Variants in CD2AP observed in about 807,000 individuals in gnomAD.
The protein encoded by CD2AP is CD2 associated protein.
A neutral mutation model predicts 85.1 loss-of-function variants in CD2AP; 46 were observed. That is an observed-to-expected ratio of 0.54 (90% CI 0.43 to 0.69). The LOEUF is 0.69. Ranked by LOEUF, CD2AP falls within the 30% of genes least tolerant of loss-of-function variation. The probability of loss-of-function intolerance (pLI) is 0.00; values close to 1 mark genes in which losing one functional copy is unlikely to be tolerated. For synonymous variants in CD2AP, 255 were observed against 252.9 expected, an observed-to-expected ratio of 1.01 and a Z score of -0.08; for missense variants, 769 against 729.5, an observed-to-expected ratio of 1.05 and a Z score of -0.62.
At chr6:47,604,287 C>T (rs1242043422) in intron 13 of CD2AP, among the ~76,000 whole-genome samples, 2 of 151,888 alleles carry the variant, frequency 1.3e-5, no homozygotes, top group South Asian at 2.1e-4. Flanking sequence ...CCAAAATGTG[C>T]ACTGTTCCAT....
rs575284881 is a variant in CD2AP, at chr6:47,588,711, A to G, written c.1108+6646A>G. Among the ~76,000 whole-genome samples the G allele has an allele frequency of 7.9e-5, 12 of 152,232 alleles. 1 individual carries two copies. The East Asian group carries it at 2.3e-3, about 29-fold the overall frequency. ...TTATGGACCTGAATTATATCTTTCC[A>G]TTCTGCCATCCTCAGTGTACACTTT... On this transcript the variant is annotated intron_variant, in intron 11 of 17. Transcript: ENST00000359314.
In CD2AP at chr6:47,503,350, C is replaced by G; in HGVS notation, c.75C>G (p.Ile25Met). ...AATTAACTATTCGAGTTGGAGAAATCATCAGGAATGTGAAAAAGCTACAGG... is the reference window on the plus strand; with the variant it reads ...AATTAACTATTCGAGTTGGAGAAATGATCAGGAATGTGAAAAAGCTACAGG... The part of the protein sequence containing the change: ...DDELTIRVGE[I>M]IRNVKKLQEE... Residue 25 changes from isoleucine to methionine, a missense_variant, in exon 2 of 18, where the codon ATC becomes ATG. By Grantham distance (10) the Ile-to-Met change is conservative. Coordinates refer to ENST00000359314, the MANE Select transcript of CD2AP (RefSeq NM_012120.3). 2 of 1,613,466 alleles carry G rather than the reference C, an allele frequency of 1.2e-6. No homozygotes were observed.
rs1346858710 is a variant in CD2AP at position 47,574,246 on chromosome 6, G to T, written c.724G>T (p.Glu242Ter). The change falls in exon 6 of 18, where the codon GAA (glutamate) becomes TAA (stop). Residue 242 changes from glutamate to a stop codon, truncating the protein, a stop_gained. Coordinates refer to ENST00000359314, the MANE Select transcript of CD2AP (RefSeq NM_012120.3). LOFTEE classifies it high-confidence loss of function. The part of the protein sequence containing the change: ...SSSETEEKKP[E>*]KPLILQSLGP... Reference sequence around the variant, plus strand: ...TAGTGAAACAGAAGAGAAAAAACCAGAAAAGGTGGTAATGATGGACTTGTT... The same window carrying T: ...TAGTGAAACAGAAGAGAAAAAACCATAAAAGGTGGTAATGATGGACTTGTT... 1 of 1,613,582 alleles carries T rather than the reference G, an allele frequency of 6.2e-7. No individual in the cohort carries two copies. Among genetic ancestry groups the T allele is most frequent in the Non-Finnish European group, 8.5e-7 (1 of 1,179,624 alleles).
chr6:47,501,598 T>C (rs1320883967), intron 1 of CD2AP, among the ~76,000 whole-genome samples: 1 of 151,838 alleles, frequency 6.6e-6, no homozygotes. Context: ...CAAACAACAG[T>C]GTCTGGTCAT....
Position 47,606,250 on chromosome 6 carries a change from G to A in CD2AP, c.1503G>A (p.Leu501=), listed in dbSNP as rs780895089. The A allele has an allele frequency of 6.8e-6, 11 of 1,608,082 alleles. No individual in the cohort carries two copies. Among genetic ancestry groups the A allele is most frequent in the Non-Finnish European group, 9.4e-6 (11 of 1,174,908 alleles). Residue 501 remains leucine, a synonymous_variant, in exon 14 of 18, where the codon TTG becomes TTA. Transcript: ENST00000359314. ...GACCAAAGATGCCTGGAAGAAGGTTGCCGGGCCGTTTCAATGGTGGACATT... is the reference window on the plus strand; with the variant it reads ...GACCAAAGATGCCTGGAAGAAGGTTACCGGGCCGTTTCAATGGTGGACATT... ...ANRPKMPGRR[L]PGRFNGGHSP... is the part of the protein sequence containing the mutation.
chr6:47,566,301 A>AATATATATATATAT (rs71831752), intron 5 of CD2AP, among the ~76,000 whole-genome samples: 34 of 110,198 alleles, frequency 3.1e-4, no homozygotes, highest in African/African-American at 8.5e-4. Context: ...TGCTCATTAG[A>AATATATATATATAT]ATATATATAT....
rs1769889062 is a variant in CD2AP, at chr6:47,625,648, C to A, written c.*1421C>A. 1 of 151,522 alleles carries A rather than the reference C, an allele frequency of 6.6e-6. No individual in the cohort carries two copies. Among genetic ancestry groups the A allele is most frequent in the African/African-American group, 2.4e-5 (1 of 41,282 alleles). The allele number at this position is 151,522 out of a possible 1,614,324, so 9.4% of individuals were successfully genotyped here. A position where few individuals can be genotyped will look rare whatever the true frequency, so the allele number is the denominator to read the frequency against. ...TTTTGAGTACCAATGATCATGCTTC[C>A]ATTTTTTTTAGTTTTAAACCACCAA... On this transcript the variant is annotated 3_prime_UTR_variant, in exon 18 of 18. Transcript: ENST00000359314.
chr6:47,513,203 C>CA (rs1371772659), intron 2 of CD2AP, among the ~76,000 whole-genome samples: 1 of 149,458 alleles, frequency 6.7e-6, no homozygotes, highest in Non-Finnish European at 1.5e-5. Flanking sequence ...GTATCTTCCT[C>CA]AAAGTTTACA....
chr6:47,478,103 G>A lies in CD2AP; in HGVS notation c.-142G>A, dbSNP rs771046571. 1.8e-6 allele frequency: 2 copies of A among 1,091,792 alleles called. No individual in the cohort carries two copies. Among genetic ancestry groups the A allele is most frequent in the Non-Finnish European group, 2.7e-6 (2 of 738,514 alleles). The allele number at this position is 1,091,792 out of a possible 1,614,324, so 67.6% of individuals were successfully genotyped here. On this transcript the variant is annotated 5_prime_UTR_variant, in exon 1 of 18. Coordinates refer to ENST00000359314, the MANE Select transcript of CD2AP (RefSeq NM_012120.3). ...GAGAGCGCCGCGGGCGGATGGAGGC[G>A]ACTCTTCGCCCCGCCTGAGCTCAGG...
Position 47,477,843 on chromosome 6 carries a change from C to T in CD2AP, c.-402C>T, listed in dbSNP as rs9369696. On this transcript the variant is annotated 5_prime_UTR_variant, in exon 1 of 18. Transcript: ENST00000359314. Reference sequence around the variant, plus strand: ...GTGTCGCCTTTTCTAACTGCGAGTGCTAAGGAAGAGGCGAGGGGCGGGCTC... The same window carrying T: ...GTGTCGCCTTTTCTAACTGCGAGTGTTAAGGAAGAGGCGAGGGGCGGGCTC... 4 of 285,070 alleles carry T rather than the reference C, an allele frequency of 1.4e-5. No homozygotes were observed. Among genetic ancestry groups the T allele is most frequent in the African/African-American group, 2.3e-5 (1 of 43,782 alleles). The allele number at this position is 285,070 out of a possible 1,614,324, so 17.7% of individuals were successfully genotyped here.
intron 1 of CD2AP, among the ~76,000 whole-genome samples, chr6:47,489,367 G>T (rs1388941331): frequency 6.6e-6 from 1 of 151,736 alleles, no homozygotes; most frequent in African/African-American, 2.4e-5. Context: ...GTAGAGATGG[G>T]GTTTCACCAT....
intron 5 of CD2AP, among the ~76,000 whole-genome samples, chr6:47,564,625 C>G (rs550137751): frequency 3.9e-5 from 6 of 152,076 alleles, no homozygotes; most frequent in Non-Finnish European, 8.8e-5. Context: ...TTGAAGTACA[C>G]TATAATTTTT....
At chr6:47,592,245 A>G (rs902766049) in intron 11 of CD2AP, among the ~76,000 whole-genome samples, 15 of 151,710 alleles carry the variant, frequency 9.9e-5, no homozygotes, top group African/African-American at 3.2e-4. Flanking sequence ...TTTCTCTTGG[A>G]TTTGGCAAAT....
intron 5 of CD2AP, among the ~76,000 whole-genome samples, chr6:47,558,782 T>C (rs1056785524): frequency 7.9e-5 from 12 of 152,228 alleles, no homozygotes; most frequent in African/African-American, 2.7e-4. Flanking sequence ...CCTGAAATTT[T>C]CTTTTTTTTG....
intron 13 of CD2AP, among the ~76,000 whole-genome samples, chr6:47,602,266 A>G (rs542947554): frequency 9.6e-4 from 146 of 152,028 alleles, no homozygotes; most frequent in Non-Finnish European, 1.3e-3. Flanking sequence ...GCTTCTTCAT[A>G]TATATTCTCA....
chr6:47,576,822 TTGAA>T lies in CD2AP; in HGVS notation c.809-180_809-177del, dbSNP rs139417092. Among the ~76,000 whole-genome samples the T allele has an allele frequency of 8.9e-3, 1,356 of 152,292 alleles. 20 individuals are homozygous for T. Among genetic ancestry groups the T allele is most frequent in the African/African-American group, 0.031 (1,284 of 41,562 alleles). ...CTGGAACATCACAAACAGTAAATAT[TTGAA>T]TGAATGGATTAATGAAATTGTTACT... On this transcript the variant is annotated intron_variant, in intron 7 of 17. Coordinates refer to ENST00000359314, the MANE Select transcript of CD2AP (RefSeq NM_012120.3).
chr6:47,556,837 C>T (rs924371094), intron 5 of CD2AP, among the ~76,000 whole-genome samples: 2 of 152,094 alleles, frequency 1.3e-5, no homozygotes, highest in Non-Finnish European at 2.9e-5. Context: ...TGGGTGTATA[C>T]CCAGTAATAG....
intron 11 of CD2AP, among the ~76,000 whole-genome samples, chr6:47,586,256 T>A (rs1294916676): frequency 6.6e-6 from 1 of 152,060 alleles, no homozygotes; most frequent in Admixed American, 6.5e-5. Context: ...TAGAAAAGAA[T>A]AATACAGTAT....
At chr6:47,510,066 T>C (rs1311709687) in intron 2 of CD2AP, among the ~76,000 whole-genome samples, 1 of 152,214 alleles carries the variant, frequency 6.6e-6, no homozygotes, top group Non-Finnish European at 1.5e-5. Context: ...AACTGCCTGC[T>C]AGCAGAGTAT....
Sources: gnomAD v4.1 joint callset for allele counts (sites outside exome capture counted in the v4.1 genomes callset) on GRCh38, gnomAD v4.1.1 for gene constraint, MANE v1.5 for transcripts, NCBI Gene and HGNC (gene_info 2026-07-23, HGNC 2026-07-21) for gene names.